Variants in TMEM182 observed in about 807,000 individuals in gnomAD.
The protein encoded by TMEM182 is transmembrane protein 182.
Under a neutral mutation model 26.8 loss-of-function variants are expected in TMEM182, and 20 were observed. The ratio of observed to expected loss-of-function variants is 0.75; its 90% CI spans 0.53 to 1.09. The LOEUF (loss-of-function observed/expected upper bound fraction) is 1.09. Ranked by LOEUF, TMEM182 falls within the 50% of genes least tolerant of loss-of-function variation. TMEM182 has a pLI of 0.00. For synonymous variants in TMEM182, 109 were observed against 102.2 expected, an observed-to-expected ratio of 1.07 and a Z score of -0.40; for missense variants, 277 against 275.5, an observed-to-expected ratio of 1.01 and a Z score of -0.04.
intron 4 of TMEM182, among the ~76,000 whole-genome samples, chr2:102,810,749 A>G (rs1682527451): frequency 6.6e-6 from 1 of 152,158 alleles, no homozygotes; most frequent in African/African-American, 2.4e-5. Flanking sequence ...AATAGGTATT[A>G]TAAAATTCAA....
At position 102,784,559 on chromosome 2, in the gene TMEM182, G is replaced by A. The variant is rs191401084; in HGVS notation, c.332-13304G>A. Among the ~76,000 whole-genome samples the A allele has an allele frequency of 2.5e-3, 375 of 152,258 alleles. 5 individuals carry two copies. The highest frequency in any genetic ancestry group is 3.6e-3 in the Non-Finnish European group (244 of 68,014). ...CCCAAGAGGGGGGTTTTTGGGTCTC[G>A]CGAAGAAAGACTTCAGGGTGAGTCT... On this transcript the variant is annotated intron_variant, in intron 3 of 4. Coordinates refer to ENST00000412401, the MANE Select transcript of TMEM182 (RefSeq NM_144632.5).
In TMEM182 at chr2:102,751,181, G is replaced by A. The variant is rs149458414; in HGVS notation, c.-82-7208G>A. 9.1e-4 allele frequency among the ~76,000 whole-genome samples: 139 copies of A among 152,216 alleles called. 1 individual carries two copies. The highest frequency in any genetic ancestry group is 3.1e-3 in the African/African-American group (130 of 41,540). Reference sequence around the variant, plus strand: ...AGAGAAAGGAGAATAGCTCTCTCTCGTGAGAGAGAGGGTTGCCCGAGTGGG... The same window carrying A: ...AGAGAAAGGAGAATAGCTCTCTCTCATGAGAGAGAGGGTTGCCCGAGTGGG... On this transcript the variant is annotated intron_variant, in intron 1 of 5. Coordinates refer to the TMEM182 transcript ENST00000409173.
intron 4 of TMEM182, among the ~76,000 whole-genome samples, chr2:102,813,636 G>A (rs1466244511): frequency 6.6e-6 from 1 of 152,210 alleles, no homozygotes; most frequent in Non-Finnish European, 1.5e-5. Flanking sequence ...CCTGGAGCCT[G>A]CTGCTCAGCG....
At chr2:102,778,660 T>C (rs372664409) in intron 3 of TMEM182, among the ~76,000 whole-genome samples, 10 of 151,298 alleles carry the variant, frequency 6.6e-5, no homozygotes, top group African/African-American at 2.2e-4. Context: ...TCTCTTTGTA[T>C]AACTTCTATA....
chr2:102,803,472 A>G lies in TMEM182; in HGVS notation c.469+5472A>G, dbSNP rs537545340. Among the ~76,000 whole-genome samples, 17 of 152,340 alleles carry G rather than the reference A, an allele frequency of 1.1e-4. No individual in the cohort carries two copies. In the East Asian group the frequency reaches 3.3e-3, roughly 29 times the overall value. The stretch of plus-strand genomic sequence containing the variant: ...TTCCCATCTCTAGCAGGTTAGACTG[A>G]CTTAAAAGGAAGTGGGATTTGTGGT... On this transcript the variant is annotated intron_variant, in intron 4 of 4. Coordinates refer to ENST00000412401, the MANE Select transcript of TMEM182 (RefSeq NM_144632.5).
chr2:102,834,942 A>G (rs934125431), intron 3 of TMEM182, among the ~76,000 whole-genome samples: 2 of 152,156 alleles, frequency 1.3e-5, no homozygotes, highest in Non-Finnish European at 1.5e-5. Context: ...GGTGTTATTT[A>G]TGCCCAAATA....
chr2:102,792,137 G>T (rs867404127), intron 3 of TMEM182, among the ~76,000 whole-genome samples: 2 of 150,840 alleles, frequency 1.3e-5, no homozygotes, highest in African/African-American at 2.4e-5. Context: ...GTGCATATGT[G>T]TATGTTCATA....
At chr2:102,755,008 A>G (rs1332234586) in intron 1 of TMEM182, among the ~76,000 whole-genome samples, 2 of 152,190 alleles carry the variant, frequency 1.3e-5, no homozygotes, top group Non-Finnish European at 2.9e-5. Flanking sequence ...ATCTTAGTGG[A>G]CTCTAGATTT....
chr2:102,773,989 T>G (rs1680795241), intron 3 of TMEM182, among the ~76,000 whole-genome samples: 1 of 152,128 alleles, frequency 6.6e-6, no homozygotes, highest in South Asian at 2.1e-4. Flanking sequence ...AATTTTAGAT[T>G]TTTTAAAAAA....
At chr2:102,828,539 T>C (rs1683088053) in intron 3 of TMEM182, among the ~76,000 whole-genome samples, 1 of 152,240 alleles carries the variant, frequency 6.6e-6, no homozygotes, top group African/African-American at 2.4e-5. Flanking sequence ...ACATCTCTTC[T>C]GCTTCTGGTA....
chr2:102,794,634 T>G (rs1282313118), intron 3 of TMEM182, among the ~76,000 whole-genome samples: 3 of 152,216 alleles, frequency 2.0e-5, no homozygotes, highest in African/African-American at 7.2e-5. Flanking sequence ...TCTTTTGGCT[T>G]CCATCATTCT....
chr2:102,835,269 GATA>G (rs1483387915), intron 3 of TMEM182, among the ~76,000 whole-genome samples: 1 of 152,158 alleles, frequency 6.6e-6, no homozygotes, highest in African/African-American at 2.4e-5. Flanking sequence ...AGGGTTTTTA[GATA>G]ATAATAATCG....
At chr2:102,835,459 A>G (rs2104778752) in intron 3 of TMEM182, among the ~76,000 whole-genome samples, 1 of 152,212 alleles carries the variant, frequency 6.6e-6, no homozygotes, top group South Asian at 2.1e-4. Flanking sequence ...CCTTCATAAC[A>G]CATCATAACC....
intron 3 of TMEM182, among the ~76,000 whole-genome samples, chr2:102,773,994 A>G: frequency 6.6e-6 from 1 of 152,168 alleles, no homozygotes; most frequent in East Asian, 1.9e-4. Flanking sequence ...TAGATTTTTT[A>G]AAAAACTATT....
chr2:102,784,077 A>C (rs955606695), intron 3 of TMEM182, among the ~76,000 whole-genome samples: 1 of 152,062 alleles, frequency 6.6e-6, no homozygotes, highest in Non-Finnish European at 1.5e-5. Context: ...ACGGGCCACT[A>C]TTTGCAGGTA....
intron 3 of TMEM182, among the ~76,000 whole-genome samples, chr2:102,794,405 C>G (rs1453560077): frequency 1.3e-5 from 2 of 152,204 alleles, no homozygotes; most frequent in Non-Finnish European, 2.9e-5. Context: ...TGCTGCTCTT[C>G]CTCTGTTTCT....
intron 3 of TMEM182, among the ~76,000 whole-genome samples, chr2:102,795,765 C>G (rs1681844832): frequency 6.6e-6 from 1 of 152,136 alleles, no homozygotes; most frequent in South Asian, 2.1e-4. Flanking sequence ...TCTTTACACC[C>G]TCTGGCTCCT....
chr2:102,762,501 A>C, intron 1 of TMEM182, 86 bp from the exon 2 acceptor site: 2 of 1,537,216 alleles, frequency 1.3e-6, no homozygotes, highest in South Asian at 1.2e-5. Flanking sequence ...GGGATAAAAT[A>C]CATGTCCTTA....
intron 1 of TMEM182, among the ~76,000 whole-genome samples, chr2:102,740,593 C>T (rs1423557003): frequency 6.6e-6 from 1 of 152,076 alleles, no homozygotes; most frequent in Non-Finnish European, 1.5e-5. Context: ...AATACCTGGG[C>T]CAATAATGCT....
Sources: allele counts gnomAD v4.1 joint callset (sites outside exome capture counted in the v4.1 genomes callset), GRCh38; gene constraint gnomAD v4.1.1; transcripts MANE v1.5; gene names NCBI Gene and HGNC (gene_info 2026-07-23, HGNC 2026-07-21).